The following RBFOX1 variants were observed in gnomAD, a reference collection of about 807,000 sequenced individuals.
The protein encoded by RBFOX1 is RNA binding protein fox-1 homolog 1.
RBFOX1 carries 8 observed loss-of-function variants against 57.7 expected under a neutral mutation model. The ratio of observed to expected loss-of-function variants is 0.14; its 90% CI spans 0.08 to 0.25. The LOEUF is 0.25. Ranked by LOEUF, RBFOX1 falls within the 10% of genes least tolerant of loss-of-function variation. The pLI, the probability that RBFOX1 is intolerant of heterozygous loss-of-function variation, is 1.00. For missense variants in RBFOX1, 611 were observed against 548.5 expected (o/e 1.11, Z -1.14); for synonymous variants, 326 against 222.4 (o/e 1.47, Z -4.15).
chr16:6,895,448 G>GTGTA (rs869028735), intron 3 of RBFOX1, among the ~76,000 whole-genome samples: 1,341 of 54,088 alleles, frequency 0.025, 18 homozygotes, highest in Non-Finnish European at 0.033. Flanking sequence ...GTGTGTGTGT[G>GTGTA]TATATATATA....
At chr16:5,617,709 CT>C (rs1258090643) in intron 3 of RBFOX1, among the ~76,000 whole-genome samples, 1 of 152,168 alleles carries the variant, frequency 6.6e-6, no homozygotes, top group Non-Finnish European at 1.5e-5. Context: ...TCTGTCTTGT[CT>C]TTATTTCTGT....
intron 3 of RBFOX1, among the ~76,000 whole-genome samples, chr16:7,026,902 C>T (rs776326545): frequency 6.6e-5 from 10 of 152,186 alleles, no homozygotes; most frequent in Non-Finnish European, 1.5e-4. Flanking sequence ...AGCCTGTGCC[C>T]CGTAGGGTAA....
chr16:6,495,309 G>C (rs1490434441), intron 2 of RBFOX1, among the ~76,000 whole-genome samples: 1 of 152,090 alleles, frequency 6.6e-6, no homozygotes, highest in Non-Finnish European at 1.5e-5. Context: ...AGTAGAGATG[G>C]GGTTTCACCA....
chr16:7,089,651 T>C (rs80310224), intron 4 of RBFOX1, among the ~76,000 whole-genome samples: 70 of 152,280 alleles, frequency 4.6e-4, no homozygotes, highest in African/African-American at 1.7e-3. Context: ...ATGTACATAT[T>C]TGCAACTCAA....
At chr16:5,654,952 C>A (rs754403431) in intron 3 of RBFOX1, among the ~76,000 whole-genome samples, 11 of 152,156 alleles carry the variant, frequency 7.2e-5, no homozygotes, top group Non-Finnish European at 1.0e-4. Flanking sequence ...AGCTCCCCCC[C>A]AGCAAGTAGA....
intron 1 of RBFOX1, among the ~76,000 whole-genome samples, chr16:5,416,374 AT>A (rs1364440009): frequency 2.0e-5 from 3 of 152,164 alleles, no homozygotes; most frequent in Non-Finnish European, 2.9e-5. Context: ...GTATATACAT[AT>A]CTATCTTTCC....
At chr16:7,270,334 A>C (rs1272576220) in intron 4 of RBFOX1, among the ~76,000 whole-genome samples, 1 of 152,228 alleles carries the variant, frequency 6.6e-6, no homozygotes, top group African/African-American at 2.4e-5. Flanking sequence ...ACCAAACAGA[A>C]TTACTTGTTA....
intron 3 of RBFOX1, among the ~76,000 whole-genome samples, chr16:6,679,483 A>G (rs1404798288): frequency 2.6e-5 from 4 of 152,112 alleles, no homozygotes; most frequent in Admixed American, 2.0e-4. Flanking sequence ...GGAAGTTTCC[A>G]CAAATGATGC....
At chr16:5,476,486 C>T (rs2069328747) in intron 2 of RBFOX1, among the ~76,000 whole-genome samples, 1 of 152,170 alleles carries the variant, frequency 6.6e-6, no homozygotes, top group Non-Finnish European at 1.5e-5. Flanking sequence ...GCTCATTACT[C>T]ATTCATGTAG....
At chr16:7,358,450 T>G (rs1472582931) in intron 4 of RBFOX1, among the ~76,000 whole-genome samples, 1 of 152,206 alleles carries the variant, frequency 6.6e-6, no homozygotes, top group African/African-American at 2.4e-5. Context: ...AGGTGGAGTT[T>G]TGTTCTGTCG....
chr16:7,270,175 C>G (rs1018315008), intron 4 of RBFOX1, among the ~76,000 whole-genome samples: 1 of 152,210 alleles, frequency 6.6e-6, no homozygotes, highest in African/African-American at 2.4e-5. Context: ...GAGTCTGAGC[C>G]TTAGCCAGGG....
upstream of RBFOX1, among the ~76,000 whole-genome samples, chr16:6,018,857 T>C (rs146104236): frequency 2.0e-5 from 3 of 152,032 alleles, no homozygotes; most frequent in East Asian, 2.0e-4. Context: ...CCTGGGCTCA[T>C]TGCCCCAGCA....
chr16:6,947,813 G>A (rs2079862538), intron 3 of RBFOX1, among the ~76,000 whole-genome samples: 1 of 152,094 alleles, frequency 6.6e-6, no homozygotes, highest in Non-Finnish European at 1.5e-5. Flanking sequence ...GTCTTGCTCT[G>A]TCGCTCAAGC....
chr16:7,307,594 C>G (rs150439269), intron 4 of RBFOX1, among the ~76,000 whole-genome samples: 2 of 152,246 alleles, frequency 1.3e-5, no homozygotes, highest in Admixed American at 1.3e-4. Context: ...CTTTTCTTTT[C>G]TCCTTCTCCT....
chr16:7,432,309 G>A (rs966438037), intron 4 of RBFOX1, among the ~76,000 whole-genome samples: 1 of 152,202 alleles, frequency 6.6e-6, no homozygotes, highest in Non-Finnish European at 1.5e-5. Context: ...AAAATTCTCT[G>A]CACAAATAAC....
At chr16:7,109,966 A>C (rs2064358133) in intron 4 of RBFOX1, among the ~76,000 whole-genome samples, 1 of 152,148 alleles carries the variant, frequency 6.6e-6, no homozygotes, top group African/African-American at 2.4e-5. Context: ...GGGGTTATTA[A>C]GGACACTGCA....
intron 1 of RBFOX1, among the ~76,000 whole-genome samples, chr16:6,071,701 TC>T (rs1350971585): frequency 6.6e-6 from 1 of 152,192 alleles, no homozygotes; most frequent in Non-Finnish European, 1.5e-5. Context: ...CTAATTCATT[TC>T]ACACAGTGTA....
chr16:6,890,898 T>G (rs1270431769), intron 3 of RBFOX1, among the ~76,000 whole-genome samples: 1 of 152,216 alleles, frequency 6.6e-6, no homozygotes, highest in African/African-American at 2.4e-5. Context: ...GGGTATGAAG[T>G]GAGCATGAAG....
At chr16:6,375,184 A>G (rs2091003337) in intron 2 of RBFOX1, among the ~76,000 whole-genome samples, 2 of 152,152 alleles carry the variant, frequency 1.3e-5, no homozygotes, top group Non-Finnish European at 2.9e-5. Flanking sequence ...CAAAACACCA[A>G]CTGCAAGAGG....
Sources: allele counts gnomAD v4.1 joint callset (sites outside exome capture counted in the v4.1 genomes callset), GRCh38; gene constraint gnomAD v4.1.1; transcripts MANE v1.5; gene names NCBI Gene and HGNC (gene_info 2026-07-23, HGNC 2026-07-21).